The following ADARB2 variants were observed in gnomAD, a reference collection of about 807,000 sequenced individuals.
ADARB2 encodes the protein inactive double-stranded RNA-specific editase B2.
Under a neutral mutation model 62.2 loss-of-function variants are expected in ADARB2, and 25 were observed. The observed-to-expected ratio is 0.40, with a 90% confidence interval of 0.29 to 0.56. The LOEUF is 0.56. ADARB2 is among the 20% of genes least tolerant of loss of function. The pLI, the probability that ADARB2 is intolerant of heterozygous loss-of-function variation, is 0.43. For synonymous variants in ADARB2, 572 were observed against 500.8 expected (o/e 1.14, Z -1.90); for missense variants, 1,071 against 1,077.4 (o/e 0.99, Z 0.08).
Position 1,183,382 on chromosome 10 carries a change from A to C in ADARB2, c.2044-13T>G. ...TCCGTGTGCTCAGCTGCGGACAAGA[A>C]GGAGAAAGAGCCAATCAGACACCAG... On this transcript the variant is annotated splice_polypyrimidine_tract_variant and intron_variant, in intron 9 of 9. Coordinates refer to ENST00000381312, the MANE Select transcript of ADARB2 (RefSeq NM_018702.4). 3 of 1,604,048 alleles carry C rather than the reference A, an allele frequency of 1.9e-6. No homozygotes were observed. Among genetic ancestry groups the C allele is most frequent in the Non-Finnish European group, 1.7e-6 (2 of 1,171,598 alleles).
In ADARB2 at chr10:1,255,775, C is replaced by G. The variant is rs955107694; in HGVS notation, c.1193-13476G>C. 6.6e-6 allele frequency among the ~76,000 whole-genome samples: 1 copy of G among 152,234 alleles called. No individual in the cohort carries two copies. The highest frequency in any genetic ancestry group is 6.5e-5 in the Admixed American group (1 of 15,296). ...CCTCATGAGAGTGGAGGGGATCCCT[C>G]CCAAACAGGTCACACGTGTGTCTGT... On this transcript the variant is annotated intron_variant, in intron 4 of 9. Transcript: ENST00000381312. This position sits in a 1 kb window ranked among gnomAD's most constrained non-coding sequence, Gnocchi z 4.7.
intron 1 of ADARB2, among the ~76,000 whole-genome samples, chr10:1,630,610 A>T (rs1160646910): frequency 1.3e-5 from 2 of 152,172 alleles, no homozygotes; most frequent in Non-Finnish European, 2.9e-5. Flanking sequence ...AGGCAGAGAA[A>T]TGGCGACTCT....
At chr10:1,532,866 T>C (rs1402474228) in intron 1 of ADARB2, among the ~76,000 whole-genome samples, 1 of 152,014 alleles carries the variant, frequency 6.6e-6, no homozygotes, top group Non-Finnish European at 1.5e-5. Flanking sequence ...GGAACTTAAA[T>C]CTTGATAATG....
At chr10:1,631,107 A>C (rs1434552596) in intron 1 of ADARB2, among the ~76,000 whole-genome samples, 1 of 152,212 alleles carries the variant, frequency 6.6e-6, no homozygotes, top group African/African-American at 2.4e-5. Context: ...CAGTGCCCCA[A>C]CAGTGAGTTC....
rs990129860 is a variant in ADARB2, at chr10:1,645,914, G to A, written c.100+91137C>T. On this transcript the variant is annotated intron_variant, in intron 1 of 9. Transcript: ENST00000381312. Reference sequence around the variant, plus strand: ...AAACTCAATCAGTCATTCCAGCACAGGGAAGGTGCGCTGTGAGGTGCTGTC... The same window carrying A: ...AAACTCAATCAGTCATTCCAGCACAAGGAAGGTGCGCTGTGAGGTGCTGTC... Among the ~76,000 whole-genome samples, 9 of 152,322 alleles carry A rather than the reference G, an allele frequency of 5.9e-5. No individual in the cohort carries two copies. In the South Asian group the frequency reaches 1.9e-3, roughly 32 times the overall value.
At chr10:1,595,652 T>C (rs1588316500) in intron 1 of ADARB2, among the ~76,000 whole-genome samples, 3 of 152,306 alleles carry the variant, frequency 2.0e-5, no homozygotes, top group South Asian at 4.1e-4. Context: ...GCACTGCTTG[T>C]TCTGCACAGA....
At chr10:1,373,328 C>CCACCCACACACACACA (rs1832390260) in intron 2 of ADARB2, among the ~76,000 whole-genome samples, 1 of 151,358 alleles carries the variant, frequency 6.6e-6, no homozygotes, top group Admixed American at 6.6e-5. Flanking sequence ...ACACACACAC[C>CCACCCACACACACACA]CACCCACACA....
At chr10:1,458,856 G>T (rs1311475810) in intron 1 of ADARB2, among the ~76,000 whole-genome samples, 1 of 139,078 alleles carries the variant, frequency 7.2e-6, no homozygotes, top group Non-Finnish European at 1.6e-5. Context: ...AACACTCGAC[G>T]GAACAAACAC....
intron 3 of ADARB2, among the ~76,000 whole-genome samples, chr10:1,302,258 AG>A (rs1418088778): frequency 9.2e-5 from 14 of 152,204 alleles, no homozygotes; most frequent in Non-Finnish European, 1.5e-5. Context: ...AATCAAAGAA[AG>A]GGGTGACGGA....
chr10:1,454,678 TA>T (rs1831076012), intron 1 of ADARB2, among the ~76,000 whole-genome samples: 2 of 151,520 alleles, frequency 1.3e-5, no homozygotes, highest in African/African-American at 4.9e-5. Context: ...CCGGGGAGGG[TA>T]ACGGGCTTAA....
At chr10:1,301,704 GGTTT>G (rs1363540193) in intron 3 of ADARB2, among the ~76,000 whole-genome samples, 1 of 152,132 alleles carries the variant, frequency 6.6e-6, no homozygotes, top group Non-Finnish European at 1.5e-5. Context: ...GATTTCTTGT[GGTTT>G]ATTTCCTGTC....
At chr10:1,408,693 C>T (rs1036411793) in intron 1 of ADARB2, among the ~76,000 whole-genome samples, 6 of 152,298 alleles carry the variant, frequency 3.9e-5, no homozygotes, top group South Asian at 2.1e-4. Context: ...CAGGGAGGCT[C>T]GGCTGTTGTG....
chr10:1,668,222 T>C (rs745924326), intron 1 of ADARB2, among the ~76,000 whole-genome samples: 1 of 152,196 alleles, frequency 6.6e-6, no homozygotes, highest in Non-Finnish European at 1.5e-5. Context: ...GTTGCAATAG[T>C]TTTGAGTGAA....
At chr10:1,660,729 C>T (rs1215253888) in intron 1 of ADARB2, among the ~76,000 whole-genome samples, 3 of 152,208 alleles carry the variant, frequency 2.0e-5, no homozygotes, top group East Asian at 3.8e-4. Context: ...CAGCCCTGCA[C>T]CTTGGCCCCA....
intron 3 of ADARB2, among the ~76,000 whole-genome samples, chr10:1,281,464 T>C (rs1332230296): frequency 6.6e-6 from 1 of 152,274 alleles, no homozygotes; most frequent in African/African-American, 2.4e-5. Context: ...ATATGCTTTG[T>C]GCTGGTCGAT....
chr10:1,694,959 C>T (rs989810215), intron 1 of ADARB2, among the ~76,000 whole-genome samples: 5 of 152,136 alleles, frequency 3.3e-5, no homozygotes, highest in Admixed American at 6.5e-5. Context: ...CACAGCTCCA[C>T]GCCTGCACCG....
intron 1 of ADARB2, among the ~76,000 whole-genome samples, chr10:1,633,073 C>G (rs748965919): frequency 3.3e-5 from 5 of 152,174 alleles, no homozygotes; most frequent in Non-Finnish European, 7.3e-5. Flanking sequence ...CGTGCTCCTG[C>G]TTCCTCTCCT....
At chr10:1,351,676 C>A (rs181936147) in intron 3 of ADARB2, among the ~76,000 whole-genome samples, 128 of 152,148 alleles carry the variant, frequency 8.4e-4, no homozygotes, top group African/African-American at 3.0e-3. Context: ...GCACCCCTCA[C>A]CATCCCATTA....
At chr10:1,706,057 T>C (rs1280460875) in intron 1 of ADARB2, among the ~76,000 whole-genome samples, 2 of 152,348 alleles carry the variant, frequency 1.3e-5, no homozygotes, top group African/African-American at 2.4e-5. Flanking sequence ...TTAGCTGTGA[T>C]TAGTGGAGCT....
Sources: gnomAD v4.1 joint callset for allele counts (sites outside exome capture counted in the v4.1 genomes callset) on GRCh38, gnomAD v4.1.1 for gene constraint, Gnocchi (gnomAD v3.1) non-coding constraint, MANE v1.5 for transcripts, NCBI Gene and HGNC (gene_info 2026-07-23, HGNC 2026-07-21) for gene names.